The following IL17C variants were observed in gnomAD, a reference collection of about 807,000 sequenced individuals.
The protein encoded by IL17C is interleukin-17C.
Under a neutral mutation model 11.0 loss-of-function variants are expected in IL17C, and 13 were observed. The observed-to-expected ratio is 1.18, with a 90% confidence interval of 0.77 to 1.88. The LOEUF is 1.88. Among genes scored for constraint, IL17C ranks in the 40% most tolerant of loss-of-function variants. The pLI is 0.00. For synonymous variants in IL17C, 150 were observed against 125.8 expected, an observed-to-expected ratio of 1.19 and a Z score of -1.29; for missense variants, 357 against 278.2, an observed-to-expected ratio of 1.28 and a Z score of -2.01.
chr16:88,639,861 A>C lies in IL17C; in HGVS notation c.383A>C (p.Glu128Ala), dbSNP rs1199676568. The C allele has an allele frequency of 6.3e-7, 1 of 1,598,706 alleles. No homozygotes were observed. The highest frequency in any genetic ancestry group is 1.1e-5 in the South Asian group (1 of 89,680). ...DRYPQKLAFA[E>A]CLCRGCIDAR... The stretch of plus-strand genomic sequence containing the variant: ...TATCCACAGAAGCTGGCCTTCGCCG[A>C]GTGCCTGTGCAGAGGCTGTATCGAT... Residue 128 changes from glutamate to alanine, a missense_variant, in exon 3 of 3, where the codon GAG becomes GCG. Physicochemically the swap from Glu to Ala is moderately radical, Grantham distance 107. Coordinates refer to ENST00000244241, the MANE Select transcript of IL17C (RefSeq NM_013278.4). The surrounding 1 kb of genome is among the most constrained non-coding windows in gnomAD (Gnocchi z 5.1).
Position 88,639,202 on chromosome 16 carries a change from G to C in IL17C, c.228G>C (p.Arg76Ser), listed in dbSNP as rs1205196478. The C allele has an allele frequency of 3.1e-6, 5 of 1,612,796 alleles. No homozygotes were observed. The highest frequency in any genetic ancestry group is 1.7e-5 in the Admixed American group (1 of 60,020). ...LVSSLEAASHRGRHERPSATT... is the reference protein window; with the variant it reads ...LVSSLEAASHSGRHERPSATT... ...CCAGCCTGGAGGCAGCAAGCCACAG[G>C]GGGAGGCACGAGAGGCCCTCAGCTA... The change falls in exon 2 of 3, where the codon AGG becomes AGC. Residue 76 changes from arginine to serine, a missense_variant. Transcript: ENST00000244241. The surrounding 1 kb of genome is among the most constrained non-coding windows in gnomAD (Gnocchi z 5.1).
chr16:88,640,280 G>A lies in IL17C; in HGVS notation c.*208G>A. 1.9e-6 allele frequency: 1 copy of A among 530,418 alleles called. No homozygotes were observed. The highest frequency in any genetic ancestry group is 1.9e-5 in the African/African-American group (1 of 51,762). 32.9% of individuals were successfully genotyped at this position (530,418 alleles called of 1,614,324 possible). On this transcript the variant is annotated 3_prime_UTR_variant, in exon 3 of 3. Coordinates refer to ENST00000244241, the MANE Select transcript of IL17C (RefSeq NM_013278.4). ...TAGAAGGAGCTCAGCACCTCTTCCA[G>A]CCCTTAAAGCTGCAGAAAAGGTGTC...
chr16:88,639,755 G>C lies in IL17C; in HGVS notation c.336-59G>C, dbSNP rs1907002566. ...TACACGGAGAGGGGCCCTGAGGGGA[G>C]AGGGGCCTCCAGGAGGACAGGGTAG... On this transcript the variant is annotated intron_variant, in intron 2 of 2. Transcript: ENST00000244241. The surrounding 1 kb of genome is among the most constrained non-coding windows in gnomAD (Gnocchi z 5.1). The C allele has an allele frequency of 2.0e-6, 3 of 1,464,466 alleles. No individual in the cohort carries two copies. Among genetic ancestry groups the C allele is most frequent in the Middle Eastern group, 1.9e-4 (1 of 5,132 alleles). 90.7% of individuals were successfully genotyped at this position (1,464,466 alleles called of 1,614,324 possible).
chr16:88,638,622 C>G lies in IL17C; in HGVS notation c.-20C>G, dbSNP rs1244025891. The G allele has an allele frequency of 1.9e-6, 3 of 1,612,396 alleles. No homozygotes were observed. The highest frequency in any genetic ancestry group is 1.7e-6 in the Non-Finnish European group (2 of 1,179,970). On this transcript the variant is annotated 5_prime_UTR_variant, in exon 1 of 3. Coordinates refer to ENST00000244241, the MANE Select transcript of IL17C (RefSeq NM_013278.4). ...GGTGTGCAGGCCGCTCCAAGCCCAG[C>G]CTGCCCCGCTGCCGCCACCATGACG... is the stretch of plus-strand genomic sequence containing the variant.
In IL17C at chr16:88,638,663, T is replaced by C. The variant is rs528499351; in HGVS notation, c.6+16T>C. ...CACCATGACGGTGAGCCTCTCCACA[T>C]GCCGCTCGGATGGATGCTGCTTGGA... On this transcript the variant is annotated intron_variant, in intron 1 of 2. Coordinates refer to ENST00000244241, the MANE Select transcript of IL17C (RefSeq NM_013278.4). 26 of 1,612,964 alleles carry C rather than the reference T, an allele frequency of 1.6e-5. No individual in the cohort carries two copies. In the East Asian group the frequency reaches 5.3e-4, roughly 33 times the overall value.
chr16:88,639,131 G>T lies in IL17C; in HGVS notation c.157G>T (p.Ala53Ser). The T allele has an allele frequency of 6.2e-7, 1 of 1,613,038 alleles. No homozygotes were observed. The change falls in exon 2 of 3, where the codon GCT becomes TCT. Residue 53 changes from alanine to serine, a missense_variant. By Grantham distance (99) the Ala-to-Ser change is moderately conservative. Coordinates refer to ENST00000244241, the MANE Select transcript of IL17C (RefSeq NM_013278.4). This position sits in a 1 kb window ranked among gnomAD's most constrained non-coding sequence, Gnocchi z 5.1. Reference sequence around the variant, plus strand: ...CGGCCAGGCCCCCCCACACCTGCTGGCTCGAGGTGCCAAGTGGGGGCAGGC... The same window carrying T: ...CGGCCAGGCCCCCCCACACCTGCTGTCTCGAGGTGCCAAGTGGGGGCAGGC... Reference protein sequence around the residue: ...PLGQAPPHLLARGAKWGQALP... With the variant: ...PLGQAPPHLLSRGAKWGQALP...
chr16:88,639,675 A>T lies in IL17C; in HGVS notation c.336-139A>T. 9.5e-7 allele frequency: 1 copy of T among 1,054,390 alleles called. No homozygotes were observed. Among genetic ancestry groups the T allele is most frequent in the Non-Finnish European group, 1.3e-6 (1 of 757,392 alleles). 65.3% of individuals were successfully genotyped at this position (1,054,390 alleles called of 1,614,324 possible). On this transcript the variant is annotated intron_variant, in intron 2 of 2. Coordinates refer to ENST00000244241, the MANE Select transcript of IL17C (RefSeq NM_013278.4). The surrounding 1 kb of genome is among the most constrained non-coding windows in gnomAD (Gnocchi z 5.1). The stretch of plus-strand genomic sequence containing the variant: ...TGGATTACCACCACATGTGAGCCCG[A>T]CTGCACCCCAAGCCCGTGTGGCTCA...
rs905017357 is a variant in IL17C, at chr16:88,639,397, G to A, written c.335+88G>A. On this transcript the variant is annotated intron_variant, in intron 2 of 2. Coordinates refer to ENST00000244241, the MANE Select transcript of IL17C (RefSeq NM_013278.4). This position sits in a 1 kb window ranked among gnomAD's most constrained non-coding sequence, Gnocchi z 5.1. ...CCCGGAGAGCTCTCTGGGCCTTGGT[G>A]GTTCTCACCTGTCAAGTGGGCGTGG... The A allele has an allele frequency of 5.2e-5, 67 of 1,278,770 alleles. No homozygotes were observed. Among genetic ancestry groups the A allele is most frequent in the Admixed American group, 2.4e-4 (9 of 36,770 alleles). The allele number at this position is 1,278,770 out of a possible 1,614,324, so 79.2% of individuals were successfully genotyped here. A position where few individuals can be genotyped will look rare whatever the true frequency, so the allele number is the denominator to read the frequency against.
At position 88,640,114 on chromosome 16, in the gene IL17C, C is replaced by G; in HGVS notation, c.*42C>G. 6.6e-7 allele frequency: 1 copy of G among 1,508,258 alleles called. No homozygotes were observed. Among genetic ancestry groups the G allele is most frequent in the East Asian group, 2.3e-5 (1 of 43,738 alleles). 93.4% of individuals were successfully genotyped at this position (1,508,258 alleles called of 1,614,324 possible). A position where few individuals can be genotyped will look rare whatever the true frequency, so the allele number is the denominator to read the frequency against. The stretch of plus-strand genomic sequence containing the variant: ...GCCCCTAGACTGGACACGTGTGCTC[C>G]CCAGAGGGCACCCCCTATTTATGTG... On this transcript the variant is annotated 3_prime_UTR_variant, in exon 3 of 3. Coordinates refer to ENST00000244241, the MANE Select transcript of IL17C (RefSeq NM_013278.4).
Position 88,639,690 on chromosome 16 carries a change from C to CGT in IL17C, c.336-120_336-119dup. Reference sequence around the variant, plus strand: ...TGTGAGCCCGACTGCACCCCAAGCCCGTGTGGCTCAGCCCTCGCTGCCTCA... The same window carrying CGT: ...TGTGAGCCCGACTGCACCCCAAGCCCGTGTGTGGCTCAGCCCTCGCTGCCTCA... On this transcript the variant is annotated intron_variant, in intron 2 of 2. Coordinates refer to ENST00000244241, the MANE Select transcript of IL17C (RefSeq NM_013278.4). The surrounding 1 kb of genome is among the most constrained non-coding windows in gnomAD (Gnocchi z 5.1). 1.7e-6 allele frequency: 2 copies of CGT among 1,204,114 alleles called. No homozygotes were observed. The highest frequency in any genetic ancestry group is 3.2e-5 in the South Asian group (2 of 61,804). 74.6% of individuals were successfully genotyped at this position (1,204,114 alleles called of 1,614,324 possible).
Position 88,639,071 on chromosome 16 carries a change from A to AC in IL17C, c.101dup (p.His35ThrfsTer6). ...CAGGGGGCACCCCCACAGTCACGGT[A>AC]CCCCACACTGCTACTCGGCTGAGGA... On this transcript the variant is annotated frameshift_variant, in exon 2 of 3. Coordinates refer to ENST00000244241, the MANE Select transcript of IL17C (RefSeq NM_013278.4). This position sits in a 1 kb window ranked among gnomAD's most constrained non-coding sequence, Gnocchi z 5.1. 1.2e-6 allele frequency: 2 copies of AC among 1,612,842 alleles called. No homozygotes were observed. Among genetic ancestry groups the AC allele is most frequent in the Non-Finnish European group, 1.7e-6 (2 of 1,179,794 alleles).
In IL17C at chr16:88,640,168, A is replaced by G; in HGVS notation, c.*96A>G. 7.4e-7 allele frequency: 1 copy of G among 1,356,888 alleles called. No homozygotes were observed. The highest frequency in any genetic ancestry group is 9.9e-7 in the Non-Finnish European group (1 of 1,008,392). 84.1% of individuals were successfully genotyped at this position (1,356,888 alleles called of 1,614,324 possible). The stretch of plus-strand genomic sequence containing the variant: ...TTATTGTTATTTATATGCCTCCCCC[A>G]ACACTACCCTTGGGGTCTGGGCATT... On this transcript the variant is annotated 3_prime_UTR_variant, in exon 3 of 3. Transcript: ENST00000244241.
rs1213083797 is a variant in IL17C, at chr16:88,639,946, G to C, written c.468G>C (p.Leu156=). The part of the protein sequence containing the change: ...LNSVRLLQSL[L]VLRRRPCSRD... ...CCGTGCGGCTGCTCCAGAGCCTGCT[G>C]GTGCTGCGCCGCCGGCCCTGCTCCC... Residue 156 remains leucine, a synonymous_variant, in exon 3 of 3, where the codon CTG becomes CTC. Coordinates refer to ENST00000244241, the MANE Select transcript of IL17C (RefSeq NM_013278.4). The surrounding 1 kb of genome is among the most constrained non-coding windows in gnomAD (Gnocchi z 5.1). 2 of 1,610,194 alleles carry C rather than the reference G, an allele frequency of 1.2e-6. No homozygotes were observed. The highest frequency in any genetic ancestry group is 3.3e-5 in the Admixed American group (2 of 59,914).
chr16:88,638,734 G>T, intron 1 of IL17C, 87 bp downstream of exon 1: 1 of 1,598,108 alleles, frequency 6.3e-7, no homozygotes, highest in Non-Finnish European at 8.6e-7. Flanking sequence ...AGCCTGGGAG[G>T]AGGGTGTTGG....
rs977484854 is a variant in IL17C at position 88,640,061 on chromosome 16, C to T, written c.583C>T (p.Arg195Cys). Residue 195 changes from arginine to cysteine, a missense_variant, in exon 3 of 3, where the codon CGT becomes TGT. Arg to Cys is a radical substitution (Grantham distance 180). Coordinates refer to ENST00000244241, the MANE Select transcript of IL17C (RefSeq NM_013278.4). ...CGTCGGCTGCACCTGCGTGCTGCCCCGTTCAGTGTGACCGCCGAGGCCGTG... is the reference window on the plus strand; with the variant it reads ...CGTCGGCTGCACCTGCGTGCTGCCCTGTTCAGTGTGACCGCCGAGGCCGTG... ...VPVGCTCVLP[R>C]SV 4.2e-5 allele frequency: 66 copies of T among 1,557,872 alleles called. No homozygotes were observed. The highest frequency in any genetic ancestry group is 5.7e-5 in the Non-Finnish European group (66 of 1,149,452).
chr16:88,639,984 G>T lies in IL17C; in HGVS notation c.506G>T (p.Gly169Val). 6.2e-7 allele frequency: 1 copy of T among 1,609,670 alleles called. No individual in the cohort carries two copies. The highest frequency in any genetic ancestry group is 8.5e-7 in the Non-Finnish European group (1 of 1,178,226). The part of the protein sequence containing the change: ...RRRPCSRDGS[G>V]LPTPGAFAFH... ...CGGCCCTGCTCCCGCGACGGCTCGG[G>T]GCTCCCCACACCTGGGGCCTTTGCC... is the stretch of plus-strand genomic sequence containing the variant. Residue 169 changes from glycine (G) to valine (V), a missense_variant, in exon 3 of 3, where the codon GGG becomes GTG. Physicochemically the swap from Gly to Val is moderately radical, Grantham distance 109. Transcript: ENST00000244241. This position sits in a 1 kb window ranked among gnomAD's most constrained non-coding sequence, Gnocchi z 5.1.
Position 88,639,803 on chromosome 16 carries a change from C to T in IL17C, c.336-11C>T. The T allele has an allele frequency of 6.5e-7, 1 of 1,533,498 alleles. No individual in the cohort carries two copies. The highest frequency in any genetic ancestry group is 8.8e-7 in the Non-Finnish European group (1 of 1,137,284). 95.0% of individuals were successfully genotyped at this position (1,533,498 alleles called of 1,614,324 possible). On this transcript the variant is annotated splice_polypyrimidine_tract_variant and intron_variant, in intron 2 of 2. Transcript: ENST00000244241. The surrounding 1 kb of genome is among the most constrained non-coding windows in gnomAD (Gnocchi z 5.1). ...TAGGGCCAGAGACTCACTGTGCACC[C>T]CGTCCCGCAGTGTGGACACGGATGA...
Position 88,639,426 on chromosome 16 carries a change from C to A in IL17C, c.335+117C>A. The A allele has an allele frequency of 3.0e-6, 3 of 1,009,286 alleles. No individual in the cohort carries two copies. The highest frequency in any genetic ancestry group is 4.2e-6 in the Non-Finnish European group (3 of 712,370). The allele number at this position is 1,009,286 out of a possible 1,614,324, so 62.5% of individuals were successfully genotyped here. A position where few individuals can be genotyped will look rare whatever the true frequency, so the allele number is the denominator to read the frequency against. ...CTCACCTGTCAAGTGGGCGTGGCCACCTGAGCTCCCTCCCTCCGGCCCTCC... is the reference window on the plus strand; with the variant it reads ...CTCACCTGTCAAGTGGGCGTGGCCAACTGAGCTCCCTCCCTCCGGCCCTCC... On this transcript the variant is annotated intron_variant, in intron 2 of 2. Coordinates refer to ENST00000244241, the MANE Select transcript of IL17C (RefSeq NM_013278.4). This position sits in a 1 kb window ranked among gnomAD's most constrained non-coding sequence, Gnocchi z 5.1.
chr16:88,640,142 TTTA>T lies in IL17C; in HGVS notation c.*73_*75del. 1.4e-6 allele frequency: 2 copies of T among 1,462,070 alleles called. No individual in the cohort carries two copies. 90.6% of individuals were successfully genotyped at this position (1,462,070 alleles called of 1,614,324 possible). ...AGAGGGCACCCCCTATTTATGTGTA[TTTA>T]TTGTTATTTATATGCCTCCCCCAAC... On this transcript the variant is annotated 3_prime_UTR_variant, in exon 3 of 3. Coordinates refer to ENST00000244241, the MANE Select transcript of IL17C (RefSeq NM_013278.4).
Sources: allele counts gnomAD v4.1 joint callset, GRCh38; gene constraint gnomAD v4.1.1; non-coding constraint Gnocchi (gnomAD v3.1); transcripts MANE v1.5; gene names NCBI Gene and HGNC (gene_info 2026-07-23, HGNC 2026-07-21).